Variants in AKR1C8 observed in about 807,000 individuals in gnomAD.
The protein encoded by AKR1C8 is aldo-keto reductase family 1 member C8, also known as aldo-keto reductase family 1 member C-like protein 1.
At chr10:5,121,485 C>G in the AKR1C8 span, among the ~76,000 whole-genome samples, 1 of 152,080 alleles carries the variant, frequency 6.6e-6, no homozygotes, top group Non-Finnish European at 1.5e-5. Context: ...AGAGTTGTGA[C>G]AGGCGAAGAA....
At chr10:5,165,088 T>C in the AKR1C8 span, among the ~76,000 whole-genome samples, 3 of 152,148 alleles carry the variant, frequency 2.0e-5, no homozygotes, top group African/African-American at 7.2e-5. Flanking sequence ...TCTGTCTAAA[T>C]TTTCACCTAA....
chr10:5,140,284 A>G, the AKR1C8 span, among the ~76,000 whole-genome samples: 1 of 152,220 alleles, frequency 6.6e-6, no homozygotes, highest in African/African-American at 2.4e-5. Flanking sequence ...TGACCCAGCG[A>G]TCCCATTACT....
chr10:5,175,902 G>C, the AKR1C8 span, among the ~76,000 whole-genome samples: 74 of 152,176 alleles, frequency 4.9e-4, no homozygotes, highest in Admixed American at 1.2e-3. Flanking sequence ...AGTAGGTTGC[G>C]AAAATTTTCT....
chr10:5,144,788 T>A, the AKR1C8 span, among the ~76,000 whole-genome samples: 2 of 152,142 alleles, frequency 1.3e-5, no homozygotes, highest in African/African-American at 2.4e-5. Context: ...AATGGGGTTT[T>A]CTAGATATAC....
chr10:5,121,497 G>A, the AKR1C8 span, among the ~76,000 whole-genome samples: 7 of 152,142 alleles, frequency 4.6e-5, no homozygotes, highest in African/African-American at 1.4e-4. Context: ...GGCGAAGAAA[G>A]CCAAGGAAGA....
the AKR1C8 span, among the ~76,000 whole-genome samples, chr10:5,141,559 G>A: frequency 6.6e-6 from 1 of 152,066 alleles, no homozygotes; most frequent in Non-Finnish European, 1.5e-5. Flanking sequence ...TGTATTTTAT[G>A]AACAATAAGA....
At chr10:5,119,477 A>G in the AKR1C8 span, among the ~76,000 whole-genome samples, 3 of 152,220 alleles carry the variant, frequency 2.0e-5, no homozygotes, top group Non-Finnish European at 4.4e-5. Context: ...ATGAAGAAAA[A>G]TACACCAAAT....
chr10:5,174,498 T>G, the AKR1C8 span, among the ~76,000 whole-genome samples: 2 of 147,782 alleles, frequency 1.4e-5, no homozygotes, highest in African/African-American at 5.0e-5. Flanking sequence ...ATTTTAAGAT[T>G]GCAAACTACT....
At chr10:5,139,290 G>GA in the AKR1C8 span, among the ~76,000 whole-genome samples, 38 of 152,146 alleles carry the variant, frequency 2.5e-4, no homozygotes, top group African/African-American at 4.6e-4. Flanking sequence ...CACAGAATTG[G>GA]AAAAAACTAC....
chr10:5,154,230 A>G, the AKR1C8 span: 1 of 468,640 alleles, frequency 2.1e-6, no homozygotes. Flanking sequence ...CATTCTGTCA[A>G]AGAGTTTTTC....
chr10:5,147,222 A>C, the AKR1C8 span, among the ~76,000 whole-genome samples: 1 of 152,124 alleles, frequency 6.6e-6, no homozygotes, highest in African/African-American at 2.4e-5. Context: ...GCAAGAATTC[A>C]CTCACTACTG....
At chr10:5,149,586 TC>T in the AKR1C8 span, among the ~76,000 whole-genome samples, 2 of 152,114 alleles carry the variant, frequency 1.3e-5, no homozygotes, top group Non-Finnish European at 2.9e-5. Flanking sequence ...AAAATGGCAT[TC>T]TTTATTTTTC....
the AKR1C8 span, among the ~76,000 whole-genome samples, chr10:5,118,539 T>C: frequency 6.6e-6 from 1 of 152,110 alleles, no homozygotes; most frequent in African/African-American, 2.4e-5. Context: ...TGGCTGGCTT[T>C]GGGAAAAATG....
chr10:5,179,350 C>G, the AKR1C8 span, among the ~76,000 whole-genome samples: 1 of 152,200 alleles, frequency 6.6e-6, no homozygotes, highest in African/African-American at 2.4e-5. Flanking sequence ...GAGAGATCTG[C>G]GTTAGTCTGA....
chr10:5,153,847 G>C, the AKR1C8 span, among the ~76,000 whole-genome samples: 1 of 152,132 alleles, frequency 6.6e-6, no homozygotes, highest in African/African-American at 2.4e-5. Flanking sequence ...AACCATATCA[G>C]ACATGTTGTT....
chr10:5,175,138 G>A, the AKR1C8 span, among the ~76,000 whole-genome samples: 63 of 36,488 alleles, frequency 1.7e-3, no homozygotes, highest in African/African-American at 6.0e-3. Flanking sequence ...CCCCAACCCC[G>A]CAACAGTCCC....
the AKR1C8 span, among the ~76,000 whole-genome samples, chr10:5,145,826 G>C: frequency 6.6e-6 from 1 of 152,094 alleles, no homozygotes; most frequent in Non-Finnish European, 1.5e-5. Context: ...AATACCATTT[G>C]ACCCAGCCAT....
the AKR1C8 span, among the ~76,000 whole-genome samples, chr10:5,127,360 C>G: frequency 6.6e-6 from 1 of 151,938 alleles, no homozygotes; most frequent in Non-Finnish European, 1.5e-5. Context: ...TAGACTAGAA[C>G]AAGTAAAGGA....
At chr10:5,173,370 C>T in the AKR1C8 span, among the ~76,000 whole-genome samples, 1 of 151,920 alleles carries the variant, frequency 6.6e-6, no homozygotes, top group Non-Finnish European at 1.5e-5. Flanking sequence ...GGGAGGATGG[C>T]AGAGGTGGTT....
Sources: gnomAD v4.1 joint callset for allele counts (sites outside exome capture counted in the v4.1 genomes callset) on GRCh38, gnomAD v4.1.1 for gene constraint, MANE v1.5 for transcripts, NCBI Gene and HGNC (gene_info 2026-07-23, HGNC 2026-07-21) for gene names.